Variants in PID1 observed in about 807,000 individuals in gnomAD.
PID1 encodes the protein phosphotyrosine interaction domain containing 1.
Under a neutral mutation model 19.1 loss-of-function variants are expected in PID1, and 10 were observed. The ratio of observed to expected loss-of-function variants is 0.52; its 90% CI spans 0.32 to 0.89. PID1 has a LOEUF of 0.89. Among genes scored for constraint, PID1 ranks in the 40% least tolerant of loss-of-function variants. The pLI, the probability that PID1 is intolerant of heterozygous loss-of-function variation, is 0.03. For synonymous variants in PID1, 130 were observed against 116.0 expected (o/e 1.12, Z -0.78); for missense variants, 248 against 285.3 (o/e 0.87, Z 0.94).
At chr2:229,228,800 C>T (rs958266717) in intron 1 of PID1, among the ~76,000 whole-genome samples, 2 of 152,144 alleles carry the variant, frequency 1.3e-5, no homozygotes, top group Admixed American at 6.5e-5. Context: ...TGAAAATATC[C>T]TTTTATCCAC....
intron 2 of PID1, among the ~76,000 whole-genome samples, chr2:229,048,616 T>C (rs1693930451): frequency 6.6e-6 from 1 of 152,110 alleles, no homozygotes; most frequent in South Asian, 2.1e-4. Flanking sequence ...ATCAGCTCCA[T>C]GTAGGCTGCA....
chr2:229,050,457 G>A (rs545466976), intron 2 of PID1, among the ~76,000 whole-genome samples: 18 of 152,258 alleles, frequency 1.2e-4, no homozygotes, highest in Non-Finnish European at 2.1e-4. Context: ...GAGTGTTTTC[G>A]ATTATACTGA....
At chr2:229,183,020 A>G (rs748105254) in intron 1 of PID1, among the ~76,000 whole-genome samples, 1 of 152,210 alleles carries the variant, frequency 6.6e-6, no homozygotes, top group Non-Finnish European at 1.5e-5. Flanking sequence ...TGTTCTAACC[A>G]TGGAACTCAT....
At chr2:229,188,694 G>A (rs954921613) in intron 1 of PID1, among the ~76,000 whole-genome samples, 3 of 148,604 alleles carry the variant, frequency 2.0e-5, no homozygotes, top group African/African-American at 5.0e-5. Context: ...AGCTGAGATC[G>A]TACCACTGCA....
intron 2 of PID1, among the ~76,000 whole-genome samples, chr2:229,064,386 A>C (rs1694277255): frequency 6.6e-6 from 1 of 152,122 alleles, no homozygotes; most frequent in African/African-American, 2.4e-5. Context: ...TCACAGAAGA[A>C]AGAACAATTT....
At chr2:229,149,588 T>C (rs550856814) in intron 2 of PID1, among the ~76,000 whole-genome samples, 69 of 152,304 alleles carry the variant, frequency 4.5e-4, no homozygotes, top group African/African-American at 1.7e-3. Flanking sequence ...ACTACTACTG[T>C]TATACCTGAA....
intron 1 of PID1, among the ~76,000 whole-genome samples, chr2:229,160,701 T>G (rs551411672): frequency 5.3e-5 from 8 of 152,214 alleles, no homozygotes; most frequent in Admixed American, 5.2e-4. Flanking sequence ...TAAGAAAATA[T>G]TTGAGGTGAA....
intron 1 of PID1, among the ~76,000 whole-genome samples, chr2:229,178,616 A>T (rs1312377668): frequency 1.3e-5 from 2 of 149,702 alleles, no homozygotes; most frequent in African/African-American, 2.5e-5. Flanking sequence ...AAGCCACAAT[A>T]AAAAAAAAGT....
chr2:229,261,289 C>CTAT (rs1690456790), intron 1 of PID1, among the ~76,000 whole-genome samples: 1 of 152,178 alleles, frequency 6.6e-6, no homozygotes, highest in Non-Finnish European at 1.5e-5. Context: ...TGGTACTTTG[C>CTAT]TATTGCAGCC....
chr2:229,232,387 G>A (rs1478989330), intron 1 of PID1, among the ~76,000 whole-genome samples: 7 of 128,252 alleles, frequency 5.5e-5, no homozygotes, highest in East Asian at 2.5e-4. Flanking sequence ...AGCCGAGATC[G>A]TGCCACTGTA....
chr2:229,048,903 C>A (rs1176347146), intron 2 of PID1, among the ~76,000 whole-genome samples: 1 of 152,090 alleles, frequency 6.6e-6, no homozygotes, highest in Admixed American at 6.5e-5. Flanking sequence ...GCGATCACCA[C>A]AGGACCTGAG....
chr2:229,263,026 A>C lies in PID1; in HGVS notation c.30+7988T>G, dbSNP rs1218271501. 3 of 806,632 alleles carry C rather than the reference A, an allele frequency of 3.7e-6. No individual in the cohort carries two copies. The African/African-American group carries it at 5.3e-5, about 14-fold the overall frequency. 50.0% of individuals were successfully genotyped at this position (806,632 alleles called of 1,614,324 possible). ...CACAGGTACCAGGGGTTAAGACTTC[A>C]ACACATCTTTTAGGGGAACACAATT... On this transcript the variant is annotated intron_variant, in intron 1 of 2. Coordinates refer to ENST00000392055, the MANE Select transcript of PID1 (RefSeq NM_001100818.2).
Position 229,046,375 on chromosome 2 carries a change from T to TGTGC in PID1, c.178-20268_178-20267insGCAC, listed in dbSNP as rs1559208287. ...GTGTGTGTGTGTGTGTGTGTGTGTG[T>TGTGC]GTGTGCGTGTGTGTGTGTGTGTGAG... On this transcript the variant is annotated intron_variant, in intron 2 of 2. Coordinates refer to ENST00000392055, the MANE Select transcript of PID1 (RefSeq NM_001100818.2). Among the ~76,000 whole-genome samples, 3 of 147,860 alleles carry TGTGC rather than the reference T, an allele frequency of 2.0e-5. No individual in the cohort carries two copies. In the South Asian group the frequency reaches 6.4e-4, roughly 32 times the overall value.
rs78722752 is a variant in PID1, at chr2:229,230,638, C to T, written c.30+40376G>A. ...TTAAATCAAAAGAGGAATTTACTGC[C>T]GCCTTTGGGTCTTTGTAGTACCAGC... is the stretch of plus-strand genomic sequence containing the variant. On this transcript the variant is annotated intron_variant, in intron 1 of 2. Coordinates refer to ENST00000392055, the MANE Select transcript of PID1 (RefSeq NM_001100818.2). Among the ~76,000 whole-genome samples, 522 of 152,256 alleles carry T rather than the reference C, an allele frequency of 3.4e-3. 13 individuals carry two copies. In the East Asian group the frequency reaches 0.082, roughly 24 times the overall value.
chr2:229,128,134 A>G (rs1391724092), intron 2 of PID1, among the ~76,000 whole-genome samples: 1 of 55,090 alleles, frequency 1.8e-5, no homozygotes, highest in Non-Finnish European at 3.6e-5. Flanking sequence ...AGGTAAATGG[A>G]TTGGGATTTT....
At chr2:229,052,623 C>A (rs1694018531) in intron 2 of PID1, among the ~76,000 whole-genome samples, 1 of 151,450 alleles carries the variant, frequency 6.6e-6, no homozygotes, top group African/African-American at 2.4e-5. Flanking sequence ...GGTTTACTTT[C>A]TCCTCCAGAA....
At chr2:229,101,042 C>T (rs556606839) in intron 2 of PID1, among the ~76,000 whole-genome samples, 2 of 152,282 alleles carry the variant, frequency 1.3e-5, no homozygotes, top group South Asian at 4.1e-4. Flanking sequence ...ACCATCCAGG[C>T]AGTTGGTGAA....
At chr2:229,225,813 C>T (rs1692066192) in intron 1 of PID1, among the ~76,000 whole-genome samples, 2 of 152,194 alleles carry the variant, frequency 1.3e-5, no homozygotes, top group Non-Finnish European at 2.9e-5. Context: ...GAAAAGTTCC[C>T]TATAAAACCA....
intron 1 of PID1, among the ~76,000 whole-genome samples, chr2:229,207,735 T>C (rs1237987675): frequency 1.3e-5 from 2 of 151,886 alleles, no homozygotes; most frequent in Non-Finnish European, 2.9e-5. Context: ...CAGTTTAGAA[T>C]CCGTGTTTTC....
Sources: allele counts gnomAD v4.1 joint callset (sites outside exome capture counted in the v4.1 genomes callset), GRCh38; gene constraint gnomAD v4.1.1; transcripts MANE v1.5; gene names NCBI Gene and HGNC (gene_info 2026-07-23, HGNC 2026-07-21).